Variants in BTK observed in about 807,000 individuals in gnomAD.
BTK encodes the protein tyrosine-protein kinase BTK.
A neutral mutation model predicts 57.4 loss-of-function variants in BTK; 5 were observed. The observed-to-expected ratio is 0.09, with a 90% CI of 0.05 to 0.18. The LOEUF is 0.18. BTK is among the 10% of genes least tolerant of loss of function. The pLI, the probability that BTK is intolerant of heterozygous loss-of-function variation, is 1.00. For missense variants in BTK, 194 were observed against 501.2 expected (o/e 0.39, Z 5.85); for synonymous variants, 154 against 174.3 (o/e 0.88, Z 0.92).
chrX:101,354,808 A>G, intron 15 of BTK, 114 bp from the exon 16 acceptor site: 1 of 713,170 alleles, frequency 1.4e-6, no homozygotes, highest in Non-Finnish European at 2.2e-6. Flanking sequence ...CTTCGACTAC[A>G]GACACCTTCC....
intron 1 of BTK, among the ~76,000 whole-genome samples, chrX:101,383,230 T>G (rs1321909414): frequency 8.9e-5 from 10 of 111,790 alleles, no homozygotes; most frequent in Admixed American, 1.9e-4. Context: ...TATGCATGTA[T>G]GTATGTATCT....
In BTK at chrX:101,356,931, T is replaced by C; in HGVS notation, c.1202A>G (p.Asp401Gly). Residue 401 changes from aspartate to glycine, a missense_variant, in exon 14 of 19, where the codon GAC becomes GGC. Around this residue, in one of 3 missense-constraint regions of BTK, gnomAD observed 79 missense variants for 217.7 expected, o/e 0.36. Transcript: ENST00000308731. The stretch of plus-strand genomic sequence containing the variant: ...CCCCAGCTCCTTCAAGAAGGTCAGG[T>C]CCTTTGGATCAATTTCCCATGATCC... ...GYGSWEIDPK[D>G]LTFLKELGTG... 1.7e-6 allele frequency: 2 copies of C among 1,212,027 alleles called. No individual in the cohort carries two copies. The highest frequency in any genetic ancestry group is 1.1e-6 in the Non-Finnish European group (1 of 895,517).
chrX:101,377,044 T>C (rs1555981146), intron 1 of BTK, among the ~76,000 whole-genome samples: 1 of 111,263 alleles, frequency 9.0e-6, no homozygotes, highest in African/African-American at 3.3e-5. Context: ...CACTATCTTC[T>C]GGAGGTGGAT....
At chrX:101,370,714 G>A (rs1225063183) in intron 4 of BTK, among the ~76,000 whole-genome samples, 4 of 112,007 alleles carry the variant, frequency 3.6e-5, no homozygotes, top group African/African-American at 1.3e-4. Context: ...TAGGTGTTAC[G>A]AAGATGCATG....
chrX:101,356,485 A>G, intron 14 of BTK: 1 of 452,165 alleles, frequency 2.2e-6, no homozygotes, highest in Non-Finnish European at 3.8e-6. Context: ...AAACAAGTCC[A>G]GGAATGAAAG....
At chrX:101,382,351 G>A (rs781832109) in intron 1 of BTK, among the ~76,000 whole-genome samples, 2 of 89,338 alleles carry the variant, frequency 2.2e-5, no homozygotes, top group Non-Finnish European at 4.2e-5. Context: ...TTTTGAGACA[G>A]AGTCTCGCTC....
chrX:101,379,002 C>T (rs1173904543), intron 1 of BTK, among the ~76,000 whole-genome samples: 1 of 108,742 alleles, frequency 9.2e-6, no homozygotes, highest in Non-Finnish European at 1.9e-5. Flanking sequence ...GGTGAAATCC[C>T]GTCTCTATTA....
intron 16 of BTK, chrX:101,354,202 G>A: frequency 2.3e-6 from 1 of 434,615 alleles, no homozygotes; most frequent in East Asian, 3.8e-5. Context: ...GTTACAAGAA[G>A]GATGAAGTGA....
chrX:101,364,691 G>T (rs1446352572), intron 5 of BTK, among the ~76,000 whole-genome samples: 1 of 110,401 alleles, frequency 9.1e-6, no homozygotes, highest in Non-Finnish European at 1.9e-5. Flanking sequence ...AGGACAGAAT[G>T]GTGGGAGCTG....
chrX:101,368,972 G>A (rs1252931661), intron 5 of BTK, among the ~76,000 whole-genome samples: 1 of 112,080 alleles, frequency 8.9e-6, no homozygotes, highest in African/African-American at 3.2e-5. Context: ...CATCCTTCCT[G>A]TTTCTCTAGG....
At chrX:101,350,618 C>T (rs1002649670) in intron 18 of BTK, among the ~76,000 whole-genome samples, 8 of 109,317 alleles carry the variant, frequency 7.3e-5, no homozygotes, top group African/African-American at 1.7e-4. Flanking sequence ...AGCTAATTTT[C>T]GTATTTTTAG....
rs1163690770 is a variant in BTK, at chrX:101,358,636, C to T, written c.955G>A (p.Val319Met). 8.3e-7 allele frequency: 1 copy of T among 1,209,087 alleles called. No homozygotes were observed. Among genetic ancestry groups the T allele is most frequent in the Non-Finnish European group, 1.1e-6 (1 of 894,405 alleles). Residue 319 changes from valine to methionine, a missense_variant, in exon 11 of 19, where the codon GTG becomes ATG. Val to Met is a conservative substitution (Grantham distance 21, BLOSUM62 1). This residue lies in a region of BTK where 115 missense variants were observed against 258.3 expected (regional missense o/e 0.45). Transcript: ENST00000308731. ...SSKAGKYTVS[V>M]FAKSTGDPQG... ...ACTCACCCTGTGGATTTAGCAAACA[C>T]AGACACTGTATATTTGCCAGCTTTG...
rs1927189541 is a variant in BTK at position 101,375,704 on chromosome X, C to T, written c.-30-390G>A. Among the ~76,000 whole-genome samples, 3 of 112,365 alleles carry T rather than the reference C, an allele frequency of 2.7e-5. No individual in the cohort carries two copies. In the South Asian group the frequency reaches 1.1e-3, roughly 41 times the overall value. On this transcript the variant is annotated intron_variant, in intron 1 of 18. Transcript: ENST00000308731. ...CTGTGCAGCTGTTGATCTTGATATA[C>T]CCAGAAGGGATAATGCAGGTGCCAG...
chrX:101,349,682 C>A lies in BTK; in HGVS notation c.*203G>T. ...CTTAATTCTCTCGGGAAATTTCAGG[C>A]ACAATAATTTCTTGGCCTTTGCTCA... is the stretch of plus-strand genomic sequence containing the variant. On this transcript the variant is annotated 3_prime_UTR_variant, in exon 19 of 19. Transcript: ENST00000308731. The A allele has an allele frequency of 2.3e-6, 1 of 439,078 alleles. No individual in the cohort carries two copies. The highest frequency in any genetic ancestry group is 3.7e-5 in the Admixed American group (1 of 27,354). 36.2% of individuals were successfully genotyped at this position (439,078 alleles called of 1,213,427 possible).
chrX:101,382,376 C>A (rs1380862890), intron 1 of BTK, among the ~76,000 whole-genome samples: 1 of 107,031 alleles, frequency 9.3e-6, no homozygotes. Flanking sequence ...ATCCAGGCTT[C>A]GGTACAGTAG....
intron 6 of BTK, 138 bp downstream of exon 6, chrX:101,362,423 C>T: frequency 2.9e-6 from 3 of 1,029,226 alleles, no homozygotes; most frequent in Middle Eastern, 6.6e-4. Context: ...CCCCCATGTG[C>T]CTCCTCCCTC....
chrX:101,356,457 G>T, intron 14 of BTK, 189 bp from the exon 15 acceptor site: 1 of 457,333 alleles, frequency 2.2e-6, no homozygotes, highest in South Asian at 3.3e-5. Context: ...GGGATTTGGA[G>T]CCCATCAATT....
intron 14 of BTK, 63 bp from the exon 15 acceptor site, chrX:101,356,331 T>G (rs1178111602): frequency 9.8e-7 from 1 of 1,019,989 alleles, no homozygotes; most frequent in Non-Finnish European, 1.4e-6. Flanking sequence ...ATAAAGGGGC[T>G]GGGGAGGAAG....
At chrX:101,366,542 A>C (rs1189340971) in intron 5 of BTK, among the ~76,000 whole-genome samples, 4 of 111,533 alleles carry the variant, frequency 3.6e-5, no homozygotes, top group Non-Finnish European at 7.5e-5. Context: ...AAACAAAAAG[A>C]GTGGAATAAT....
Sources: gnomAD v4.1 joint callset for allele counts (sites outside exome capture counted in the v4.1 genomes callset) on GRCh38, gnomAD v4.1.1 for gene constraint, gnomAD v4.1.1 regional missense constraint, MANE v1.5 for transcripts, NCBI Gene and HGNC (gene_info 2026-07-23, HGNC 2026-07-21) for gene names.